CXorf65: variants seen among roughly 807,000 people sequenced by gnomAD.
CXorf65 encodes the protein uncharacterized protein CXorf65.
For synonymous variants in CXorf65, 54 were observed against 51.4 expected (o/e 1.05, Z -0.21); for missense variants, 137 against 144.7 (o/e 0.95, Z 0.27).
At chrX:71,105,347 C>T (rs779709961) in intron 3 of CXorf65, among the ~76,000 whole-genome samples, 10 of 111,257 alleles carry the variant, frequency 9.0e-5, no homozygotes, top group Non-Finnish European at 1.5e-4. Flanking sequence ...GGGTGGATCA[C>T]CTGAGGTCAG....
At chrX:71,106,255 T>G in intron 2 of CXorf65, 85 bp downstream of exon 2, 1 of 1,096,526 alleles carries the variant, frequency 9.1e-7, no homozygotes, top group Non-Finnish European at 1.3e-6. Context: ...GGAACTCCCT[T>G]CTTGCCAGGA....
At position 71,106,113 on chromosome X, in the gene CXorf65, G is replaced by A. The variant is rs138480889; in HGVS notation, c.137C>T (p.Thr46Met). ...CAGGAAAAGCATCTTCATTTTCCCC[G>A]TTTGTTCACACAAATCGATGGTGTC... ...KTNTIDLCEQ[T>M]GKMKMLFLMK... The change falls in exon 3 of 6, where the codon ACG (threonine) becomes ATG (methionine). Residue 46 changes from threonine to methionine, a missense_variant. Coordinates refer to ENST00000374251, the MANE Select transcript of CXorf65 (RefSeq NM_001025265.3). 392 of 1,209,047 alleles carry A rather than the reference G, an allele frequency of 3.2e-4. No individual in the cohort carries two copies. The African/African-American group carries it at 5.1e-3, about 16-fold the overall frequency.
chrX:71,106,620 T>C lies in CXorf65; in HGVS notation c.-64A>G. ...TGAGTCATGCAGAAGGAGGGTGTTC[T>C]AGAGGCCTTGTGTGGGGCAAATAGG... On this transcript the variant is annotated 5_prime_UTR_variant, in exon 1 of 6. Transcript: ENST00000374251. The C allele has an allele frequency of 8.3e-7, 1 of 1,208,778 alleles. No homozygotes were observed. Among genetic ancestry groups the C allele is most frequent in the Non-Finnish European group, 1.1e-6 (1 of 894,532 alleles).
Position 71,103,922 on chromosome X carries a change from T to A in CXorf65, c.*65A>T. On this transcript the variant is annotated 3_prime_UTR_variant, in exon 6 of 6. Transcript: ENST00000374251. Reference sequence around the variant, plus strand: ...TGTACTCAAGCCTTAGTGCAGATATTGGGAGAAGGAGTCTTTCTAGAAAAA... The same window carrying A: ...TGTACTCAAGCCTTAGTGCAGATATAGGGAGAAGGAGTCTTTCTAGAAAAA... The A allele has an allele frequency of 8.9e-7, 1 of 1,129,855 alleles. No individual in the cohort carries two copies. Among genetic ancestry groups the A allele is most frequent in the Middle Eastern group, 3.1e-4 (1 of 3,251 alleles). 93.1% of individuals were successfully genotyped at this position (1,129,855 alleles called of 1,213,427 possible). A position where few individuals can be genotyped will look rare whatever the true frequency, so the allele number is the denominator to read the frequency against.
chrX:71,104,894 G>A, intron 3 of CXorf65, 57 bp from the exon 4 acceptor site: 2 of 1,071,089 alleles, frequency 1.9e-6, no homozygotes, highest in Non-Finnish European at 2.6e-6. Context: ...CCACCCTTCA[G>A]AAGTCCAAGA....
At chrX:71,105,322 T>C (rs1417619938) in intron 3 of CXorf65, among the ~76,000 whole-genome samples, 1 of 110,641 alleles carries the variant, frequency 9.0e-6, no homozygotes, top group African/African-American at 3.3e-5. Context: ...TCCCAGCACT[T>C]TGGGAGGCTG....
At chrX:71,104,680 C>T (rs1184813575) in intron 4 of CXorf65, 89 bp downstream of exon 4, 1 of 917,181 alleles carries the variant, frequency 1.1e-6, no homozygotes, top group Non-Finnish European at 1.6e-6. Context: ...TCTGACCTAC[C>T]ATATCACGCT....
chrX:71,106,657 G>A lies in CXorf65; in HGVS notation c.-101C>T. On this transcript the variant is annotated 5_prime_UTR_variant, in exon 1 of 6. Coordinates refer to ENST00000374251, the MANE Select transcript of CXorf65 (RefSeq NM_001025265.3). ...GTGGGGCAAATAGGCCTATAGGGTTGGTGGACTAGAGAGGCAGATGGATTT... is the reference window on the plus strand; with the variant it reads ...GTGGGGCAAATAGGCCTATAGGGTTAGTGGACTAGAGAGGCAGATGGATTT... 1 of 1,197,627 alleles carries A rather than the reference G, an allele frequency of 8.3e-7. No homozygotes were observed. The highest frequency in any genetic ancestry group is 1.8e-5 in the South Asian group (1 of 55,234).
rs1206788802 is a variant in CXorf65 at position 71,104,555 on chromosome X, T to C, written c.320-151A>G. ...GTGACAGGGAGATATACGGAGAAGA[T>C]GGCCAAGAAATGGGGGAAGTGGGGA... is the stretch of plus-strand genomic sequence containing the variant. On this transcript the variant is annotated intron_variant, in intron 4 of 5. Transcript: ENST00000374251. 8 of 500,260 alleles carry C rather than the reference T, an allele frequency of 1.6e-5. No homozygotes were observed. The East Asian group carries it at 2.6e-4, about 16-fold the overall frequency. The allele number at this position is 500,260 out of a possible 1,213,427, so 41.2% of individuals were successfully genotyped here.
chrX:71,104,736 T>C (rs1390859643), intron 4 of CXorf65, 33 bp downstream of exon 4: 2 of 1,161,487 alleles, frequency 1.7e-6, no homozygotes, highest in South Asian at 3.6e-5. Flanking sequence ...ACTGTACCCT[T>C]CATGTTCTTC....
chrX:71,104,315 G>A lies in CXorf65; in HGVS notation c.409C>T (p.Pro137Ser). 5.0e-6 allele frequency: 6 copies of A among 1,205,346 alleles called. No homozygotes were observed. Among genetic ancestry groups the A allele is most frequent in the Non-Finnish European group, 6.7e-6 (6 of 890,416 alleles). Residue 137 changes from proline (P) to serine (S), a missense_variant, in exon 5 of 6, where the codon CCC becomes TCC. By Grantham distance (74) the Pro-to-Ser change is moderately conservative. Coordinates refer to ENST00000374251, the MANE Select transcript of CXorf65 (RefSeq NM_001025265.3). The stretch of plus-strand genomic sequence containing the variant: ...AGTCTTACCGGGACACTCGCAGGGG[G>A]TTCAATTATAACGACCTTCTTGGCT... ...KEAKKVVIIE[P>S]PASVPSKQSG...
chrX:71,104,152 G>C (rs1407820370), intron 5 of CXorf65, 40 bp from the exon 6 acceptor site: 1 of 1,197,106 alleles, frequency 8.4e-7, no homozygotes, highest in African/African-American at 1.8e-5. Context: ...GCCCCTGCAG[G>C]GAAGGTTTCT....
At chrX:71,105,876 A>C in intron 3 of CXorf65, 124 bp downstream of exon 3, 1 of 760,076 alleles carries the variant, frequency 1.3e-6, no homozygotes, top group African/African-American at 2.1e-5. Flanking sequence ...TTGGCCTCTC[A>C]AAGTGCTGAG....
At chrX:71,106,173 G>C (rs1569479530) in intron 2 of CXorf65, 36 bp from the exon 3 acceptor site, 1 of 1,200,596 alleles carries the variant, frequency 8.3e-7, no homozygotes. Flanking sequence ...GGGCAGCTAA[G>C]GAAAGAGAGT....
At position 71,104,362 on chromosome X, in the gene CXorf65, A is replaced by G. The variant is rs2092240859; in HGVS notation, c.362T>C (p.Ile121Thr). 5.8e-6 allele frequency: 7 copies of G among 1,205,550 alleles called. No homozygotes were observed. Among genetic ancestry groups the G allele is most frequent in the Non-Finnish European group, 7.8e-6 (7 of 892,896 alleles). ...IQCDALERRRIQMLKMKEAKK... is the reference protein window; with the variant it reads ...IQCDALERRRTQMLKMKEAKK... ...GGCTTCTTTCATTTTAAGCATCTGA[A>G]TTCGTCTCCTCTCCAGGGCATCACA... Residue 121 changes from isoleucine to threonine, a missense_variant, in exon 5 of 6, where the codon ATT (isoleucine) becomes ACT (threonine). Coordinates refer to ENST00000374251, the MANE Select transcript of CXorf65 (RefSeq NM_001025265.3).
intron 3 of CXorf65, among the ~76,000 whole-genome samples, chrX:71,105,392 C>A (rs1267966185): frequency 1.8e-5 from 2 of 109,809 alleles, no homozygotes; most frequent in Non-Finnish European, 3.8e-5. Context: ...ATGGTGAAAC[C>A]CCATCTGCAC....
intron 3 of CXorf65, 73 bp downstream of exon 3, chrX:71,105,927 G>A (rs2092247211): frequency 3.2e-5 from 35 of 1,097,662 alleles, no homozygotes; most frequent in Admixed American, 5.0e-5. Context: ...TGGATGCCTT[G>A]TTTTAAAGAT....
Position 71,106,656 on chromosome X carries a change from T to G in CXorf65, c.-100A>C. 2.3e-5 allele frequency: 28 copies of G among 1,198,400 alleles called. No homozygotes were observed. The highest frequency in any genetic ancestry group is 3.1e-5 in the Non-Finnish European group (28 of 889,542). On this transcript the variant is annotated 5_prime_UTR_variant, in exon 1 of 6. Transcript: ENST00000374251. ...TGTGGGGCAAATAGGCCTATAGGGT[T>G]GGTGGACTAGAGAGGCAGATGGATT...
intron 3 of CXorf65, 55 bp downstream of exon 3, chrX:71,105,945 A>C: frequency 8.7e-7 from 1 of 1,151,378 alleles, no homozygotes; most frequent in Non-Finnish European, 1.2e-6. Context: ...GATAAGGTTC[A>C]TAATCTATCT....
Sources: gnomAD v4.1 joint callset for allele counts (sites outside exome capture counted in the v4.1 genomes callset) on GRCh38, gnomAD v4.1.1 for gene constraint, MANE v1.5 for transcripts, NCBI Gene and HGNC (gene_info 2026-07-23, HGNC 2026-07-21) for gene names.